CCDC149: variants seen among roughly 807,000 people sequenced by gnomAD.
CCDC149 encodes coiled-coil domain-containing protein 149.
CCDC149 carries 45 observed loss-of-function variants against 59.9 expected under a neutral mutation model. The ratio of observed to expected loss-of-function variants is 0.75; its 90% CI spans 0.59 to 0.96. The LOEUF is 0.96. CCDC149 is among the 40% of genes least tolerant of loss of function. CCDC149 has a pLI of 0.00. For synonymous variants in CCDC149, 245 were observed against 260.6 expected (o/e 0.94, Z 0.58); for missense variants, 584 against 664.7 (o/e 0.88, Z 1.33).
At chr4:24,830,050 C>G (rs939540974) in intron 9 of CCDC149, 1 of 152,758 alleles carries the variant, frequency 6.5e-6, no homozygotes, top group African/African-American at 2.4e-5. Context: ...CATGGACCAA[C>G]AAGATGGCAG....
rs573205980 is a variant in CCDC149, at chr4:24,853,996, T to C, written c.265-817A>G. Among the ~76,000 whole-genome samples the C allele has an allele frequency of 1.0e-3, 155 of 152,310 alleles. 1 individual carries two copies. The highest frequency in any genetic ancestry group is 4.4e-3 in the South Asian group (21 of 4,822). Reference sequence around the variant, plus strand: ...CCTTTCCTTAAGATTTGCCTCCTGTTGGGATCCAGGTCCCTCCGGTCTCCA... The same window carrying C: ...CCTTTCCTTAAGATTTGCCTCCTGTCGGGATCCAGGTCCCTCCGGTCTCCA... On this transcript the variant is annotated intron_variant, in intron 3 of 12. Coordinates refer to ENST00000635206, the MANE Select transcript of CCDC149 (RefSeq NM_001330643.2).
intron 9 of CCDC149, chr4:24,830,878 C>G (rs576150143): frequency 6.6e-6 from 1 of 152,236 alleles, no homozygotes; most frequent in South Asian, 2.1e-4. Flanking sequence ...GTATTTGCTA[C>G]TTTAATTTAT....
chr4:24,843,565 C>A (rs1219990902), intron 4 of CCDC149, among the ~76,000 whole-genome samples: 1 of 152,186 alleles, frequency 6.6e-6, no homozygotes, highest in Non-Finnish European at 1.5e-5. Context: ...GTCCAAATTC[C>A]TAGATTTATA....
chr4:24,873,715 C>T lies in CCDC149; in HGVS notation c.230G>A (p.Gly77Glu). 6.2e-7 allele frequency: 1 copy of T among 1,608,636 alleles called. No individual in the cohort carries two copies. The highest frequency in any genetic ancestry group is 8.5e-7 in the Non-Finnish European group (1 of 1,175,712). ...TTTTTCAGGAGGAAGTGATGGATCTCCATCCTACAAAGAAACAAATGCTGC... is the reference window on the plus strand; with the variant it reads ...TTTTTCAGGAGGAAGTGATGGATCTTCATCCTACAAAGAAACAAATGCTGC... Residue 77 changes from glycine to glutamate, a missense_variant, in exon 3 of 13, where the codon GGA becomes GAA. Gly to Glu is a moderately conservative substitution (Grantham distance 98). Coordinates refer to ENST00000635206, the MANE Select transcript of CCDC149 (RefSeq NM_001330643.2).
chr4:24,874,594 A>AC (rs1719294719), intron 2 of CCDC149, among the ~76,000 whole-genome samples: 1 of 152,016 alleles, frequency 6.6e-6, no homozygotes. Flanking sequence ...ACACACACAC[A>AC]AAAAAAGGAT....
At chr4:24,966,414 T>C (rs1723805942) in intron 1 of CCDC149, among the ~76,000 whole-genome samples, 1 of 152,076 alleles carries the variant, frequency 6.6e-6, no homozygotes, top group Admixed American at 6.6e-5. Flanking sequence ...TTTGGCTCCC[T>C]AGCTGTTGTC....
At chr4:24,873,238 A>G (rs567477173) in intron 3 of CCDC149, among the ~76,000 whole-genome samples, 4 of 151,628 alleles carry the variant, frequency 2.6e-5, no homozygotes, top group Admixed American at 6.6e-5. Flanking sequence ...AGGAGAGTAT[A>G]CAGCCACAGA....
intron 1 of CCDC149, among the ~76,000 whole-genome samples, chr4:24,952,625 AAATATATATATATATATATATATATATAT>A (rs1723346040): frequency 6.5e-5 from 1 of 15,288 alleles, no homozygotes; most frequent in Admixed American, 1.0e-3. Flanking sequence ...AAAAAAAAAA[AAATATATATATATATATATATATATATAT>A]ATATATATAT....
chr4:24,928,836 G>T (rs1722503407), intron 1 of CCDC149, among the ~76,000 whole-genome samples: 1 of 152,164 alleles, frequency 6.6e-6, no homozygotes, highest in Admixed American at 6.5e-5. Flanking sequence ...AGTCCAGAAG[G>T]TCAGGAAGGC....
chr4:24,924,720 T>G lies in CCDC149; in HGVS notation c.-64-29602A>C, dbSNP rs191681278. Among the ~76,000 whole-genome samples the G allele has an allele frequency of 1.2e-4, 19 of 152,356 alleles. No homozygotes were observed. In the East Asian group the frequency reaches 2.9e-3, roughly 23 times the overall value. On this transcript the variant is annotated intron_variant, in intron 1 of 12. Coordinates refer to the CCDC149 transcript ENST00000389609. ...CTAATTAACAAAGTGGAAACTATAC[T>G]GCCTTTCATCATCTATTCTTGGAAG...
rs1344826999 is a variant in CCDC149, at chr4:24,837,207, G to T, written c.662+21C>A. 1.9e-5 allele frequency: 30 copies of T among 1,613,008 alleles called. No homozygotes were observed. The Admixed American group carries it at 2.5e-4, about 13-fold the overall frequency. ...AGAGCCAGCCTTCCTCCCACGCACA[G>T]GCCTGGGCCTGGCCACTTGCCTGTT... On this transcript the variant is annotated intron_variant, in intron 6 of 12. Transcript: ENST00000635206. The surrounding 1 kb of genome is among the most constrained non-coding windows in gnomAD (Gnocchi z 4.3).
At chr4:24,871,039 C>CAT (rs1577432297) in intron 3 of CCDC149, among the ~76,000 whole-genome samples, 1 of 122,674 alleles carries the variant, frequency 8.2e-6, no homozygotes. Flanking sequence ...AGTGAGACTC[C>CAT]CTCAAAAAAA....
chr4:24,844,575 A>G (rs1359796846), intron 4 of CCDC149, among the ~76,000 whole-genome samples: 1 of 152,028 alleles, frequency 6.6e-6, no homozygotes, highest in Non-Finnish European at 1.5e-5. Flanking sequence ...GAGTTCGAGG[A>G]CAGCCTGGTC....
intron 1 of CCDC149, among the ~76,000 whole-genome samples, chr4:24,902,185 G>A (rs531258373): frequency 6.6e-6 from 1 of 152,298 alleles, no homozygotes; most frequent in East Asian, 1.9e-4. Flanking sequence ...GAAAAGGCTA[G>A]ATTACTGGTA....
intron 1 of CCDC149, among the ~76,000 whole-genome samples, chr4:24,896,518 G>A (rs1307148916): frequency 6.6e-6 from 1 of 152,144 alleles, no homozygotes; most frequent in Non-Finnish European, 1.5e-5. Context: ...TTAAAGCCTG[G>A]TGTATGTTCA....
chr4:24,823,209 CAAAAGAGTTTTCAGTA>C (rs1715523496), intron 9 of CCDC149, among the ~76,000 whole-genome samples: 1 of 152,120 alleles, frequency 6.6e-6, no homozygotes, highest in Admixed American at 6.6e-5. Context: ...AGAGATATTT[CAAAAGAGTTTTCAGTA>C]ATTGCAGAAT....
intron 3 of CCDC149, among the ~76,000 whole-genome samples, chr4:24,864,407 C>T (rs577833794): frequency 6.6e-6 from 1 of 152,222 alleles, no homozygotes; most frequent in Admixed American, 6.5e-5. Flanking sequence ...AACTGGATAA[C>T]CTCACTGGGA....
At chr4:24,923,014 A>C (rs946796378) in intron 1 of CCDC149, among the ~76,000 whole-genome samples, 1 of 152,076 alleles carries the variant, frequency 6.6e-6, no homozygotes, top group Admixed American at 6.6e-5. Context: ...CATCCTATAT[A>C]CTTGGGACTT....
intron 1 of CCDC149, among the ~76,000 whole-genome samples, chr4:24,959,875 C>T (rs1246305329): frequency 1.3e-5 from 2 of 152,138 alleles, no homozygotes; most frequent in Non-Finnish European, 2.9e-5. Context: ...AAGAATTCAC[C>T]ACCAGTAGAC....
Sources: gnomAD v4.1 joint callset for allele counts (sites outside exome capture counted in the v4.1 genomes callset) on GRCh38, gnomAD v4.1.1 for gene constraint, Gnocchi (gnomAD v3.1) non-coding constraint, MANE v1.5 for transcripts, NCBI Gene and HGNC (gene_info 2026-07-23, HGNC 2026-07-21) for gene names.